FUT9: variants seen among roughly 807,000 people sequenced by gnomAD.
The protein encoded by FUT9 is 4-galactosyl-N-acetylglucosaminide 3-alpha-L-fucosyltransferase 9.
In FUT9, 15 loss-of-function variants were observed where a neutral mutation model predicts 29.7. The observed-to-expected ratio is 0.51, with a 90% CI of 0.34 to 0.78. FUT9 has a LOEUF of 0.78. Among genes scored for constraint, FUT9 ranks in the 30% least tolerant of loss-of-function variants. FUT9 has a pLI of 0.01. For synonymous variants in FUT9, 169 were observed against 153.7 expected (o/e 1.10, Z -0.74); for missense variants, 319 against 425.4 (o/e 0.75, Z 2.20).
chr6:96,114,193 T>C (rs560148468), intron 2 of FUT9, 66 bp downstream of exon 2: 4 of 152,170 alleles, frequency 2.6e-5, no homozygotes, highest in Admixed American at 6.5e-5. Context: ...TTAGAACTTA[T>C]AGATGATTTA....
intron 1 of FUT9, among the ~76,000 whole-genome samples, chr6:96,021,233 C>A (rs949594159): frequency 5.9e-5 from 9 of 151,884 alleles, no homozygotes; most frequent in Admixed American, 6.6e-5. Flanking sequence ...GTTTCCATTG[C>A]TTTCTATACT....
intron 1 of FUT9, among the ~76,000 whole-genome samples, chr6:96,085,452 A>C (rs962264407): frequency 2.0e-5 from 3 of 152,188 alleles, no homozygotes; most frequent in Non-Finnish European, 4.4e-5. Flanking sequence ...AGCGTAGAGC[A>C]CTCACAATCT....
intron 1 of FUT9, among the ~76,000 whole-genome samples, chr6:96,110,352 T>C (rs561021006): frequency 1.3e-5 from 2 of 152,164 alleles, no homozygotes; most frequent in South Asian, 4.1e-4. Context: ...ATTATCCATA[T>C]TGCATGATAG....
chr6:96,191,638 A>C (rs1352744968), intron 2 of FUT9, among the ~76,000 whole-genome samples: 1 of 152,178 alleles, frequency 6.6e-6, no homozygotes, highest in Non-Finnish European at 1.5e-5. Flanking sequence ...TCACAGCCGA[A>C]TTCTATCAGA....
chr6:96,129,335 T>G (rs531450620), intron 2 of FUT9, among the ~76,000 whole-genome samples: 1 of 146,376 alleles, frequency 6.8e-6, no homozygotes, highest in South Asian at 2.2e-4. Flanking sequence ...GTCCCAGCTA[T>G]CCGGGAGGCA....
chr6:96,190,841 G>A (rs1044556343), intron 2 of FUT9, among the ~76,000 whole-genome samples: 19 of 151,980 alleles, frequency 1.3e-4, no homozygotes, highest in Admixed American at 2.6e-4. Context: ...GCTTCTTTGC[G>A]ATGGGTTCAA....
intron 1 of FUT9, among the ~76,000 whole-genome samples, chr6:96,107,341 TAA>T (rs1426840607): frequency 2.0e-5 from 3 of 152,208 alleles, no homozygotes; most frequent in African/African-American, 7.2e-5. Context: ...TTTGATTAAA[TAA>T]GTCTTTAAAA....
chr6:96,066,552 G>A (rs929611236), intron 1 of FUT9, among the ~76,000 whole-genome samples: 1 of 151,972 alleles, frequency 6.6e-6, no homozygotes, highest in African/African-American at 2.4e-5. Flanking sequence ...CTGTAAAAAA[G>A]AGGCCACTGT....
chr6:96,205,773 C>T lies in FUT9; in HGVS notation c.*1538C>T, dbSNP rs1007508072. 2 of 166,622 alleles carry T rather than the reference C, an allele frequency of 1.2e-5. No homozygotes were observed. The highest frequency in any genetic ancestry group is 4.8e-5 in the African/African-American group (2 of 41,414). 10.3% of individuals were successfully genotyped at this position (166,622 alleles called of 1,614,324 possible). A position where few individuals can be genotyped will look rare whatever the true frequency, so the allele number is the denominator to read the frequency against. ...GACATCCATTTGGGTCTATTTGTGACTTATTCGTATTACAAATTGACATCA... is the reference window on the plus strand; with the variant it reads ...GACATCCATTTGGGTCTATTTGTGATTTATTCGTATTACAAATTGACATCA... On this transcript the variant is annotated 3_prime_UTR_variant, in exon 3 of 3. Coordinates refer to ENST00000302103, the MANE Select transcript of FUT9 (RefSeq NM_006581.4).
At chr6:96,187,341 C>G (rs1773423070) in intron 2 of FUT9, among the ~76,000 whole-genome samples, 1 of 152,142 alleles carries the variant, frequency 6.6e-6, no homozygotes, top group Admixed American at 6.6e-5. Flanking sequence ...TAAAGCCAGA[C>G]TGGCAACTGC....
At chr6:96,145,952 T>TTCAAG (rs764649051) in intron 2 of FUT9, among the ~76,000 whole-genome samples, 138,587 of 152,086 alleles carry the variant, frequency 0.91, 64,540 homozygotes, top group Non-Finnish European at 1. Flanking sequence ...ACCTCCCAGG[T>TTCAAG]TGAGGTCCTC....
At chr6:96,151,218 T>C (rs1484325668) in intron 2 of FUT9, among the ~76,000 whole-genome samples, 2 of 152,188 alleles carry the variant, frequency 1.3e-5, no homozygotes, top group African/African-American at 4.8e-5. Flanking sequence ...AATTCTTTGA[T>C]TAAACTTGAT....
chr6:96,128,698 T>A (rs1434726261), intron 2 of FUT9, among the ~76,000 whole-genome samples: 1 of 152,076 alleles, frequency 6.6e-6, no homozygotes, highest in Non-Finnish European at 1.5e-5. Context: ...AAATTTAGAA[T>A]GACAAAGTAT....
intron 2 of FUT9, among the ~76,000 whole-genome samples, chr6:96,196,594 C>A (rs945795532): frequency 1.8e-4 from 27 of 152,062 alleles, no homozygotes; most frequent in African/African-American, 6.5e-4. Flanking sequence ...TACCTGTAAT[C>A]CCAGCTACTT....
intron 2 of FUT9, among the ~76,000 whole-genome samples, chr6:96,174,574 T>C (rs1434853240): frequency 6.6e-6 from 1 of 152,110 alleles, no homozygotes; most frequent in Non-Finnish European, 1.5e-5. Context: ...ATTTTTCTTC[T>C]GGCAGAAATA....
At chr6:96,086,870 T>C (rs1005256595) in intron 1 of FUT9, among the ~76,000 whole-genome samples, 1 of 152,180 alleles carries the variant, frequency 6.6e-6, no homozygotes, top group Non-Finnish European at 1.5e-5. Flanking sequence ...AACTAAGGTA[T>C]TAAAAGGCAC....
At chr6:96,047,171 C>T (rs575812336) in intron 1 of FUT9, among the ~76,000 whole-genome samples, 14 of 152,136 alleles carry the variant, frequency 9.2e-5, no homozygotes, top group African/African-American at 2.9e-4. Flanking sequence ...ACAGTGTCAC[C>T]GAATGGAAAT....
At chr6:96,036,132 C>T (rs1049741026) in intron 1 of FUT9, among the ~76,000 whole-genome samples, 45 of 145,360 alleles carry the variant, frequency 3.1e-4, no homozygotes, top group African/African-American at 1.1e-3. Context: ...TTCTCATCTG[C>T]AAAAGAATAC....
At chr6:96,140,209 A>G (rs755002109) in intron 2 of FUT9, among the ~76,000 whole-genome samples, 3 of 152,112 alleles carry the variant, frequency 2.0e-5, no homozygotes, top group Non-Finnish European at 4.4e-5. Flanking sequence ...CGAGTTCCTC[A>G]TCTCCATATG....
Sources: gnomAD v4.1 joint callset for allele counts (sites outside exome capture counted in the v4.1 genomes callset) on GRCh38, gnomAD v4.1.1 for gene constraint, MANE v1.5 for transcripts, NCBI Gene and HGNC (gene_info 2026-07-23, HGNC 2026-07-21) for gene names.